Variants in ZNF423 observed in about 807,000 individuals in gnomAD.
The protein encoded by ZNF423 is Ebf-associated zinc finger protein.
A neutral mutation model predicts 95.8 loss-of-function variants in ZNF423; 12 were observed. That is an observed-to-expected ratio of 0.13 (90% CI 0.08 to 0.20). The LOEUF (loss-of-function observed/expected upper bound fraction) is 0.20. Ranked by LOEUF, ZNF423 falls within the 10% of genes least tolerant of loss-of-function variation. The pLI is 1.00. For synonymous variants in ZNF423, 749 were observed against 711.9 expected (o/e 1.05, Z -0.83); for missense variants, 1,316 against 1,737.1 (o/e 0.76, Z 4.31).
At chr16:49,717,713 T>C (rs1054040793) in intron 3 of ZNF423, among the ~76,000 whole-genome samples, 5 of 152,238 alleles carry the variant, frequency 3.3e-5, no homozygotes, top group Non-Finnish European at 7.3e-5. Context: ...TTTGGTTGTC[T>C]GACACTGGTC....
chr16:49,705,014 C>A (rs908841255), intron 3 of ZNF423, among the ~76,000 whole-genome samples: 1 of 152,192 alleles, frequency 6.6e-6, no homozygotes, highest in African/African-American at 2.4e-5. Context: ...GCCCTTCCAG[C>A]CTCTTTGTTG....
chr16:49,640,831 G>C (rs750907655), intron 3 of ZNF423: 1 of 152,282 alleles, frequency 6.6e-6, no homozygotes, highest in Non-Finnish European at 1.5e-5. Context: ...CTCACATGAC[G>C]GGCTCGGCAG....
rs541209813 is a variant in ZNF423, at chr16:49,580,061, C to T, written c.3601+46109G>A. 2.0e-5 allele frequency among the ~76,000 whole-genome samples: 3 copies of T among 152,322 alleles called. No homozygotes were observed. The South Asian group carries it at 6.2e-4, about 32-fold the overall frequency. Reference sequence around the variant, plus strand: ...CCCTTGCTCTTGGATGTTCCCATCTCCACCCAGAGGCCATAGCAATCTTTA... The same window carrying T: ...CCCTTGCTCTTGGATGTTCCCATCTTCACCCAGAGGCCATAGCAATCTTTA... On this transcript the variant is annotated intron_variant, in intron 5 of 7. Coordinates refer to ENST00000563137, the MANE Select transcript of ZNF423 (RefSeq NM_001379286.1).
chr16:49,727,169 A>G (rs2033042342), intron 3 of ZNF423, among the ~76,000 whole-genome samples: 2 of 152,174 alleles, frequency 1.3e-5, no homozygotes, highest in East Asian at 1.9e-4. Flanking sequence ...AGCGAGAGGG[A>G]GAGAGAGGAA....
chr16:49,764,019 G>C (rs548134771), intron 2 of ZNF423, among the ~76,000 whole-genome samples: 1 of 152,312 alleles, frequency 6.6e-6, no homozygotes, highest in East Asian at 1.9e-4. Context: ...CCACGGGCAG[G>C]AGGAGACAGG....
chr16:49,763,886 C>T (rs1453619145), intron 2 of ZNF423, among the ~76,000 whole-genome samples: 2 of 152,166 alleles, frequency 1.3e-5, no homozygotes, highest in Non-Finnish European at 2.9e-5. Flanking sequence ...CTGGGTAGCT[C>T]GTTTAAGGTT....
At chr16:49,649,525 G>C (rs1973310062) in intron 3 of ZNF423, among the ~76,000 whole-genome samples, 1 of 152,012 alleles carries the variant, frequency 6.6e-6, no homozygotes, top group Non-Finnish European at 1.5e-5. Context: ...TTTCCAAAGG[G>C]TGTAGAGGTA....
At chr16:49,852,672 A>C (rs2035314584) in intron 1 of ZNF423, among the ~76,000 whole-genome samples, 1 of 152,070 alleles carries the variant, frequency 6.6e-6, no homozygotes, top group African/African-American at 2.4e-5. Flanking sequence ...CGGTCAGAAA[A>C]ATGTGACTTT....
At chr16:49,657,265 T>C (rs758983414) in intron 3 of ZNF423, among the ~76,000 whole-genome samples, 7 of 152,062 alleles carry the variant, frequency 4.6e-5, no homozygotes, top group Non-Finnish European at 7.4e-5. Flanking sequence ...AGCCCCAGGG[T>C]CCCACCCCAA....
At chr16:49,815,904 ATATATATATATTTTTTTT>A (rs1567356433) in intron 1 of ZNF423, among the ~76,000 whole-genome samples, 204 of 46,552 alleles carry the variant, frequency 4.4e-3, no homozygotes, top group African/African-American at 0.017. Context: ...ATATATATAT[ATATATATATATTTTTTTT>A]TTTTTTTTTT....
At chr16:49,831,703 G>A (rs1242404855) in intron 1 of ZNF423, among the ~76,000 whole-genome samples, 2 of 152,062 alleles carry the variant, frequency 1.3e-5, no homozygotes, top group African/African-American at 4.8e-5. Context: ...AGAAATTATT[G>A]ATAAAGTCTG....
intron 1 of ZNF423, among the ~76,000 whole-genome samples, chr16:49,797,354 G>A (rs1315050121): frequency 6.6e-6 from 1 of 152,184 alleles, no homozygotes; most frequent in Non-Finnish European, 1.5e-5. Flanking sequence ...ACCCAGCACT[G>A]TGTCCTGGTG....
rs547124534 is a variant in ZNF423, at chr16:49,692,803, C to T, written c.301+37968G>A. Reference sequence around the variant, plus strand: ...CTCTATGCAGTCTCTCTGCAGAAGACAATATTGTCTCTAGTGTTTAGATGA... The same window carrying T: ...CTCTATGCAGTCTCTCTGCAGAAGATAATATTGTCTCTAGTGTTTAGATGA... On this transcript the variant is annotated intron_variant, in intron 3 of 7. Transcript: ENST00000563137. 4.7e-4 allele frequency among the ~76,000 whole-genome samples: 72 copies of T among 152,350 alleles called. 2 individuals carry two copies. The South Asian group carries it at 0.011, about 24-fold the overall frequency.
At chr16:49,543,676 C>G (rs941946973) in intron 5 of ZNF423, among the ~76,000 whole-genome samples, 3 of 152,226 alleles carry the variant, frequency 2.0e-5, no homozygotes, top group Non-Finnish European at 2.9e-5. Context: ...CCATCAGCTT[C>G]CCCGCCAAGG....
At chr16:49,839,285 C>T (rs1286004762) in intron 1 of ZNF423, among the ~76,000 whole-genome samples, 1 of 152,110 alleles carries the variant, frequency 6.6e-6, no homozygotes, top group Admixed American at 6.5e-5. Flanking sequence ...CACTTCCTCC[C>T]ACCCCACAAG....
At chr16:49,533,475 C>T (rs1247036699) in intron 5 of ZNF423, among the ~76,000 whole-genome samples, 1 of 152,228 alleles carries the variant, frequency 6.6e-6, no homozygotes, top group African/African-American at 2.4e-5. Flanking sequence ...CTCTCCTTCT[C>T]TGAAACTCAA....
chr16:49,825,970 G>A (rs751808986), intron 1 of ZNF423, among the ~76,000 whole-genome samples: 4 of 152,120 alleles, frequency 2.6e-5, no homozygotes, highest in Admixed American at 1.3e-4. Flanking sequence ...CATTACTTTC[G>A]GAGGCCAAGA....
At chr16:49,546,352 C>T (rs1031348683) in intron 5 of ZNF423, among the ~76,000 whole-genome samples, 2 of 152,266 alleles carry the variant, frequency 1.3e-5, no homozygotes, top group African/African-American at 2.4e-5. Flanking sequence ...ACAGTACAAA[C>T]GCTTTCATTA....
chr16:49,835,679 C>A (rs1048117692), intron 1 of ZNF423, among the ~76,000 whole-genome samples: 6 of 152,224 alleles, frequency 3.9e-5, no homozygotes, highest in Admixed American at 3.3e-4. Flanking sequence ...CCAAGCAACT[C>A]GATATGGTCC....
Sources: gnomAD v4.1 joint callset for allele counts (sites outside exome capture counted in the v4.1 genomes callset) on GRCh38, gnomAD v4.1.1 for gene constraint, MANE v1.5 for transcripts, NCBI Gene and HGNC (gene_info 2026-07-23, HGNC 2026-07-21) for gene names.